The following PHLDB2 variants were observed in gnomAD, a reference collection of about 807,000 sequenced individuals.
The protein encoded by PHLDB2 is pleckstrin homology-like domain family B member 2.
In PHLDB2, 71 loss-of-function variants were observed where a neutral mutation model predicts 123.6. The ratio of observed to expected loss-of-function variants is 0.57; its 90% CI spans 0.47 to 0.70. PHLDB2 has a LOEUF of 0.70. Among genes scored for constraint, PHLDB2 ranks in the 30% least tolerant of loss-of-function variants. The probability of loss-of-function intolerance (pLI) is 0.00; values close to 1 mark genes in which losing one functional copy is unlikely to be tolerated. For synonymous variants in PHLDB2, 547 were observed against 541.6 expected (o/e 1.01, Z -0.14); for missense variants, 1,446 against 1,519.5 (o/e 0.95, Z 0.80).
At chr3:111,771,821 A>G (rs2060184329) in intron 1 of PHLDB2, among the ~76,000 whole-genome samples, 1 of 152,186 alleles carries the variant, frequency 6.6e-6, no homozygotes, top group Non-Finnish European at 1.5e-5. Context: ...GGAGGTTAGG[A>G]CTTCAACATC....
intron 1 of PHLDB2, among the ~76,000 whole-genome samples, chr3:111,765,618 A>G (rs1208075525): frequency 2.0e-5 from 3 of 152,214 alleles, no homozygotes; most frequent in Non-Finnish European, 2.9e-5. Context: ...ACTCCATTAC[A>G]TAAATATAGA....
rs563849925 is a variant in PHLDB2 at position 111,884,926 on chromosome 3, A to C, written c.849A>C (p.Arg283=). The change falls in exon 2 of 18, where the codon CGA becomes CGC. Residue 283 remains arginine (R), a synonymous_variant. Coordinates refer to ENST00000431670, the MANE Select transcript of PHLDB2 (RefSeq NM_001134438.2). Reference sequence around the variant, plus strand: ...GAAACTCTCTGGGCAATTCCAAACGAACAAAACTTGGGGAAAAGGATCTAC... The same window carrying C: ...GAAACTCTCTGGGCAATTCCAAACGCACAAAACTTGGGGAAAAGGATCTAC... The part of the protein sequence containing the change: ...PPRNSLGNSK[R]TKLGEKDLPH... 1.2e-6 allele frequency: 2 copies of C among 1,614,116 alleles called. No individual in the cohort carries two copies. The highest frequency in any genetic ancestry group is 4.5e-5 in the East Asian group (2 of 44,872).
At chr3:111,897,762 G>C (rs529723777) in intron 2 of PHLDB2, among the ~76,000 whole-genome samples, 2 of 152,256 alleles carry the variant, frequency 1.3e-5, no homozygotes, top group South Asian at 2.1e-4. Context: ...GAAGACCAAG[G>C]CTTAAATCAT....
chr3:111,798,199 A>G (rs114313617), intron 1 of PHLDB2, among the ~76,000 whole-genome samples: 2,474 of 152,288 alleles, frequency 0.016, 30 homozygotes, highest in Non-Finnish European at 0.021. Context: ...GTGAACTTCT[A>G]AGACCTTGGC....
chr3:111,897,121 A>G (rs922264085), intron 2 of PHLDB2, among the ~76,000 whole-genome samples: 9 of 152,118 alleles, frequency 5.9e-5, no homozygotes, highest in African/African-American at 1.9e-4. Context: ...AACCCCCATA[A>G]CCACTGATTT....
At chr3:111,758,155 C>G (rs6438006) in intron 1 of PHLDB2, among the ~76,000 whole-genome samples, 75,508 of 151,426 alleles carry the variant, frequency 0.5, 19,431 homozygotes, top group African/African-American at 0.62. Flanking sequence ...GGACATTTAA[C>G]TCTGCAGAGG....
intron 16 of PHLDB2, among the ~76,000 whole-genome samples, chr3:111,970,197 T>C (rs909866566): frequency 1.3e-5 from 2 of 152,226 alleles, no homozygotes; most frequent in Admixed American, 1.3e-4. Flanking sequence ...TAAAATTTAT[T>C]CTTTAGATCA....
intron 1 of PHLDB2, among the ~76,000 whole-genome samples, chr3:111,754,862 G>C (rs36190035): frequency 8.2e-5 from 11 of 133,892 alleles, no homozygotes; most frequent in Non-Finnish European, 9.6e-5. Flanking sequence ...TAGCATGAAG[G>C]GTTGTTGAAT....
In PHLDB2 at chr3:111,824,534, C is replaced by T. The variant is rs1019966353; in HGVS notation, c.-48-21287C>T. On this transcript the variant is annotated intron_variant, in intron 1 of 17. Transcript: ENST00000393923. ...ATCAACTAAAGGTCTCCAGAGGAAA[C>T]GTTTCCTTATGCTTGAGGGACCTTT... Among the ~76,000 whole-genome samples the T allele has an allele frequency of 9.2e-5, 14 of 152,272 alleles. No homozygotes were observed. In the South Asian group the frequency reaches 1.2e-3, roughly 14 times the overall value.
intron 9 of PHLDB2, among the ~76,000 whole-genome samples, chr3:111,947,791 A>G (rs1028356130): frequency 6.6e-6 from 1 of 152,188 alleles, no homozygotes; most frequent in Non-Finnish European, 1.5e-5. Flanking sequence ...GACACATCCA[A>G]TTTATAAACA....
At chr3:111,870,307 GGTT>G (rs1021580927) in intron 1 of PHLDB2, among the ~76,000 whole-genome samples, 2 of 152,074 alleles carry the variant, frequency 1.3e-5, no homozygotes, top group African/African-American at 4.8e-5. Context: ...GACAGGTGAG[GGTT>G]GTTTGCAGAG....
intron 2 of PHLDB2, among the ~76,000 whole-genome samples, chr3:111,903,595 C>G (rs1393015602): frequency 6.6e-6 from 1 of 152,152 alleles, no homozygotes; most frequent in Non-Finnish European, 1.5e-5. Context: ...ATAATTGGGT[C>G]TAGTTTTTAG....
At chr3:111,961,818 G>A (rs934426927) in intron 12 of PHLDB2, 2 of 368,822 alleles carry the variant, frequency 5.4e-6, no homozygotes, top group Non-Finnish European at 9.6e-6. Flanking sequence ...TTTCTGTTTG[G>A]TTTCTTTTGT....
intron 11 of PHLDB2, chr3:111,953,650 C>T: frequency 3.3e-6 from 1 of 301,120 alleles, no homozygotes; most frequent in African/African-American, 2.1e-5. Context: ...GAACTTTCAG[C>T]CATTCTTTCA....
At chr3:111,904,573 T>C (rs1417547894) in intron 2 of PHLDB2, among the ~76,000 whole-genome samples, 1 of 151,640 alleles carries the variant, frequency 6.6e-6, no homozygotes, top group Non-Finnish European at 1.5e-5. Context: ...TTCTTGGAGA[T>C]TGGGAGTTTG....
chr3:111,858,123 C>T (rs1432965096), upstream of PHLDB2, among the ~76,000 whole-genome samples: 3 of 152,152 alleles, frequency 2.0e-5, no homozygotes, highest in Non-Finnish European at 2.9e-5. Context: ...ACCATGCAGC[C>T]ATAAAAAAGA....
At chr3:111,785,797 G>T (rs1028425582) in intron 1 of PHLDB2, among the ~76,000 whole-genome samples, 13 of 152,144 alleles carry the variant, frequency 8.5e-5, no homozygotes, top group Non-Finnish European at 2.9e-5. Context: ...TTGATAAATA[G>T]GAGGATAGTC....
chr3:111,762,808 T>A (rs1300120566), intron 1 of PHLDB2, among the ~76,000 whole-genome samples: 1 of 152,166 alleles, frequency 6.6e-6, no homozygotes, highest in African/African-American at 2.4e-5. Flanking sequence ...TATGACTTCA[T>A]GTGCAAAAAA....
chr3:111,936,819 TC>T (rs1468090139), intron 6 of PHLDB2, among the ~76,000 whole-genome samples: 2 of 152,180 alleles, frequency 1.3e-5, no homozygotes, highest in African/African-American at 4.8e-5. Context: ...ATCTCAGTAA[TC>T]TTTGAACACA....
Sources: allele counts gnomAD v4.1 joint callset (sites outside exome capture counted in the v4.1 genomes callset), GRCh38; gene constraint gnomAD v4.1.1; transcripts MANE v1.5; gene names NCBI Gene and HGNC (gene_info 2026-07-23, HGNC 2026-07-21).